The following CNTN4 variants were observed in gnomAD, a reference collection of about 807,000 sequenced individuals.
CNTN4 encodes the protein contactin 4, also known as contactin-4.
Under a neutral mutation model 122.5 loss-of-function variants are expected in CNTN4, and 77 were observed. The observed-to-expected ratio is 0.63, with a 90% CI of 0.52 to 0.76. The LOEUF (loss-of-function observed/expected upper bound fraction) is 0.76. Among genes scored for constraint, CNTN4 ranks in the 30% least tolerant of loss-of-function variants. CNTN4 has a pLI of 0.00. For missense variants in CNTN4, 1,256 were observed against 1,259.1 expected (o/e 1.00, Z 0.04); for synonymous variants, 512 against 447.0 (o/e 1.15, Z -1.83).
chr3:2,122,833 C>T (rs1208326802), intron 2 of CNTN4, among the ~76,000 whole-genome samples: 6 of 152,276 alleles, frequency 3.9e-5, no homozygotes, highest in East Asian at 1.9e-4. Context: ...CACAAGTGAT[C>T]GTGTACCCAG....
chr3:2,321,070 G>A (rs2043261024), intron 2 of CNTN4, among the ~76,000 whole-genome samples: 1 of 152,086 alleles, frequency 6.6e-6, no homozygotes, highest in South Asian at 2.1e-4. Context: ...TTCTCAGAGT[G>A]GAAATAGCAG....
Position 3,057,903 on chromosome 3 carries a change from C to G in CNTN4, c.*1683C>G, listed in dbSNP as rs1701913884. 6.6e-6 allele frequency: 1 copy of G among 152,454 alleles called. No individual in the cohort carries two copies. Among genetic ancestry groups the G allele is most frequent in the South Asian group, 2.1e-4 (1 of 4,824 alleles). 9.4% of individuals were successfully genotyped at this position (152,454 alleles called of 1,614,324 possible). ...AGTGTAAATGATATTTACCAGTGAT[C>G]TAGCATATGTAATCTTTTTTAAAGG... On this transcript the variant is annotated 3_prime_UTR_variant, in exon 25 of 25. Transcript: ENST00000418658.
intron 3 of CNTN4, among the ~76,000 whole-genome samples, chr3:2,477,751 G>T (rs138067309): frequency 1.3e-5 from 2 of 152,118 alleles, no homozygotes; most frequent in East Asian, 1.9e-4. Context: ...GTTTATTTTC[G>T]CTCTAATCCT....
intron 2 of CNTN4, among the ~76,000 whole-genome samples, chr3:2,155,819 A>G (rs2035694753): frequency 6.6e-6 from 1 of 152,154 alleles, no homozygotes; most frequent in Non-Finnish European, 1.5e-5. Context: ...CCTCCAAATG[A>G]TTCTTGTTCA....
chr3:2,225,295 A>G (rs2039236523), intron 2 of CNTN4, among the ~76,000 whole-genome samples: 1 of 151,808 alleles, frequency 6.6e-6, no homozygotes, highest in Non-Finnish European at 1.5e-5. Context: ...CGGGTGGATC[A>G]CGAGGTCAGG....
chr3:2,264,515 A>C (rs2040964590), intron 2 of CNTN4, among the ~76,000 whole-genome samples: 1 of 152,058 alleles, frequency 6.6e-6, no homozygotes, highest in Non-Finnish European at 1.5e-5. Context: ...TCTGGTGATT[A>C]ATCTCTTTTC....
intron 4 of CNTN4, among the ~76,000 whole-genome samples, chr3:2,670,961 A>G (rs1370776400): frequency 6.6e-6 from 1 of 152,166 alleles, no homozygotes; most frequent in Admixed American, 6.5e-5. Context: ...CGGAGAGATC[A>G]GCTGTTAGTC....
At chr3:2,870,580 T>C (rs1169714453) in intron 8 of CNTN4, among the ~76,000 whole-genome samples, 1 of 152,166 alleles carries the variant, frequency 6.6e-6, no homozygotes, top group East Asian at 1.9e-4. Context: ...GATCTGGGAT[T>C]TGGTGACTGT....
chr3:2,709,307 C>T lies in CNTN4; in HGVS notation c.56-26908C>T, dbSNP rs1396812363. Among the ~76,000 whole-genome samples the T allele has an allele frequency of 1.3e-5, 2 of 152,108 alleles. No individual in the cohort carries two copies. Among genetic ancestry groups the T allele is most frequent in the Non-Finnish European group, 2.9e-5 (2 of 68,022 alleles). On this transcript the variant is annotated intron_variant, in intron 4 of 24. Coordinates refer to ENST00000418658, the MANE Select transcript of CNTN4 (RefSeq NM_175607.3). This position sits in a 1 kb window ranked among gnomAD's most constrained non-coding sequence, Gnocchi z 5.0. Reference sequence around the variant, plus strand: ...AATTTATAATTAGTACAGTGTGATTCTCAACCTTGGCTGCATATTAGAATC... The same window carrying T: ...AATTTATAATTAGTACAGTGTGATTTTCAACCTTGGCTGCATATTAGAATC...
At chr3:2,591,962 C>G (rs2080515269) in intron 4 of CNTN4, among the ~76,000 whole-genome samples, 1 of 152,066 alleles carries the variant, frequency 6.6e-6, no homozygotes, top group Non-Finnish European at 1.5e-5. Flanking sequence ...ACTGAAACCT[C>G]AAACTCCTGG....
At chr3:2,365,248 C>G (rs1447368177) in intron 3 of CNTN4, among the ~76,000 whole-genome samples, 1 of 152,128 alleles carries the variant, frequency 6.6e-6, no homozygotes, top group Non-Finnish European at 1.5e-5. Context: ...CATCTGCACT[C>G]CCTGCGTAGT....
chr3:2,518,845 A>G (rs1035538395), intron 3 of CNTN4, among the ~76,000 whole-genome samples: 7 of 152,140 alleles, frequency 4.6e-5, no homozygotes, highest in Admixed American at 1.3e-4. Flanking sequence ...AAAACAGACT[A>G]ATAGAAGAAA....
chr3:2,517,726 C>A (rs114351491), intron 3 of CNTN4, among the ~76,000 whole-genome samples: 1 of 152,104 alleles, frequency 6.6e-6, no homozygotes, highest in East Asian at 1.9e-4. Flanking sequence ...TTTGCCTCCT[C>A]GCTGGTTAGA....
Position 2,709,549 on chromosome 3 carries a change from G to C in CNTN4, c.56-26666G>C, listed in dbSNP as rs117775850. Among the ~76,000 whole-genome samples the C allele has an allele frequency of 4.4e-3, 668 of 152,266 alleles. 16 individuals are homozygous for C. The highest frequency in any genetic ancestry group is 0.036 in the East Asian group (187 of 5,182). On this transcript the variant is annotated intron_variant, in intron 4 of 24. Coordinates refer to ENST00000418658, the MANE Select transcript of CNTN4 (RefSeq NM_175607.3). This position sits in a 1 kb window ranked among gnomAD's most constrained non-coding sequence, Gnocchi z 5.0. ...AGATTTATGCCAGACTTCTAGACCA[G>C]TCTCCTTTCCAATTCCATAAAATGA...
At chr3:2,218,028 T>A (rs1347322146) in intron 2 of CNTN4, among the ~76,000 whole-genome samples, 1 of 152,164 alleles carries the variant, frequency 6.6e-6, no homozygotes, top group African/African-American at 2.4e-5. Flanking sequence ...AAAAATCATT[T>A]CCTCTGAGTT....
chr3:2,115,360 G>C (rs554909034), intron 2 of CNTN4, among the ~76,000 whole-genome samples: 1 of 152,122 alleles, frequency 6.6e-6, no homozygotes, highest in Non-Finnish European at 1.5e-5. Flanking sequence ...TATTCCATGC[G>C]CTCTCCATAT....
intron 3 of CNTN4, among the ~76,000 whole-genome samples, chr3:2,563,551 T>C (rs2079040887): frequency 6.6e-6 from 1 of 152,208 alleles, no homozygotes; most frequent in African/African-American, 2.4e-5. Context: ...TTTGCCAGTT[T>C]AATCACATAC....
chr3:2,313,525 G>T (rs2042986260), intron 2 of CNTN4, among the ~76,000 whole-genome samples: 1 of 151,922 alleles, frequency 6.6e-6, no homozygotes, highest in African/African-American at 2.4e-5. Context: ...AAACTGAAAA[G>T]TGTCCTTTAC....
chr3:2,837,817 G>A (rs908478843), intron 7 of CNTN4, among the ~76,000 whole-genome samples: 3 of 152,162 alleles, frequency 2.0e-5, no homozygotes, highest in Admixed American at 2.0e-4. Flanking sequence ...GCAAGTGGCT[G>A]TGATCTGAAA....
Sources: allele counts gnomAD v4.1 joint callset (sites outside exome capture counted in the v4.1 genomes callset), GRCh38; gene constraint gnomAD v4.1.1; non-coding constraint Gnocchi (gnomAD v3.1); transcripts MANE v1.5; gene names NCBI Gene and HGNC (gene_info 2026-07-23, HGNC 2026-07-21).